The following GPR33 variants were observed in gnomAD, a reference collection of about 807,000 sequenced individuals.
GPR33 encodes probable G protein-coupled receptor 33.
A neutral mutation model predicts 3.1 loss-of-function variants in GPR33; 4 were observed. The ratio of observed to expected loss-of-function variants is 1.29; its 90% CI spans 0.64 to 2.96. The LOEUF (loss-of-function observed/expected upper bound fraction) is 2.96. Ranked by LOEUF, GPR33 falls within the 30% of genes most tolerant of loss-of-function variation. The pLI is 0.01. For missense variants in GPR33, 390 were observed against 388.9 expected, an observed-to-expected ratio of 1.00 and a Z score of -0.02; for synonymous variants, 138 against 142.0, an observed-to-expected ratio of 0.97 and a Z score of 0.20.
At chr14:31,484,051 T>G in intron 1 of GPR33, 80 bp from the exon 2 acceptor site, 1 of 1,124,378 alleles carries the variant, frequency 8.9e-7, no homozygotes, top group Non-Finnish European at 1.2e-6. Flanking sequence ...AAGAGTAATT[T>G]TTTACATAGT....
In GPR33 at chr14:31,483,271, A is replaced by G. The variant is rs1282124171; in HGVS notation, c.695T>C (p.Val232Ala). ...GGATTTAAACAGGCTCCTCTCTTTC[A>G]CCTTGCTGGCTACTCTTTCATAACA... ...IFCYERVASK[V>A]KERSLFKSSK... The change falls in exon 2 of 2, where the codon GTG becomes GCG. Residue 232 changes from valine to alanine, a missense_variant. Coordinates refer to ENST00000399285, the MANE Select transcript of GPR33 (RefSeq NM_001197184.3). The G allele has an allele frequency of 6.5e-6, 10 of 1,536,154 alleles. No homozygotes were observed. The South Asian group carries it at 1.1e-4, about 16-fold the overall frequency.
Position 31,482,905 on chromosome 14 carries a change from A to T in GPR33, c.*59T>A. On this transcript the variant is annotated 3_prime_UTR_variant, in exon 2 of 2. Transcript: ENST00000399285. ...AAAGCAGAAGGTATATCCTATTGGTATAATTGACCAAGTGCGTGTTTGCTT... is the reference window on the plus strand; with the variant it reads ...AAAGCAGAAGGTATATCCTATTGGTTTAATTGACCAAGTGCGTGTTTGCTT... 7.4e-7 allele frequency: 1 copy of T among 1,355,092 alleles called. No individual in the cohort carries two copies. Among genetic ancestry groups the T allele is most frequent in the Admixed American group, 2.6e-5 (1 of 37,744 alleles). 83.9% of individuals were successfully genotyped at this position (1,355,092 alleles called of 1,614,324 possible). A position where few individuals can be genotyped will look rare whatever the true frequency, so the allele number is the denominator to read the frequency against.
rs1235340827 is a variant in GPR33, at chr14:31,483,773, G to C, written c.193C>G (p.Leu65Val). ...GAGAGAATGAGATGAAAAAATAAGA[G>C]AGTATTGACAGTCTGTTTCATCTTG... The part of the protein sequence containing the change: ...RFKMKQTVNT[L>V]LFFHLILSYF... Residue 65 changes from leucine (L) to valine (V), a missense_variant, in exon 2 of 2, where the codon CTC (leucine) becomes GTC (valine). By Grantham distance (32) the Leu-to-Val change is conservative (BLOSUM62 1). Transcript: ENST00000399285. 5 of 1,535,986 alleles carry C rather than the reference G, an allele frequency of 3.3e-6. No homozygotes were observed. Among genetic ancestry groups the C allele is most frequent in the Non-Finnish European group, 3.5e-6 (4 of 1,146,878 alleles).
chr14:31,484,138 T>C (rs1243082837), intron 1 of GPR33, 167 bp from the exon 2 acceptor site: 2 of 174,970 alleles, frequency 1.1e-5, no homozygotes, highest in African/African-American at 4.8e-5. Context: ...TTTTCTAAGG[T>C]CTATACTTTT....
chr14:31,483,600 G>T lies in GPR33; in HGVS notation c.366C>A (p.Ile122=), dbSNP rs566493971. 1.3e-6 allele frequency: 2 copies of T among 1,536,122 alleles called. No homozygotes were observed. The highest frequency in any genetic ancestry group is 1.2e-5 in the South Asian group (1 of 84,058). ...GAGTGAGAAGGTAACGATCAAGACC[G>T]ATGGCCGAAAGGAAGAAAACAGAGG... ...MFTSVFFLSA[I]GLDRYLLTLH... is the part of the protein sequence containing the mutation. The change falls in exon 2 of 2, where the codon ATC becomes ATA. Residue 122 remains isoleucine (I), a synonymous_variant. Coordinates refer to ENST00000399285, the MANE Select transcript of GPR33 (RefSeq NM_001197184.3).
At chr14:31,484,715 A>G (rs1459811922) in intron 1 of GPR33, among the ~76,000 whole-genome samples, 2 of 152,176 alleles carry the variant, frequency 1.3e-5, no homozygotes, top group South Asian at 2.1e-4. Flanking sequence ...ATGAATTTGA[A>G]TAACAAAAAT....
Position 31,483,706 on chromosome 14 carries a change from G to C in GPR33, c.260C>G (p.Ser87Cys), listed in dbSNP as rs755413421. The C allele has an allele frequency of 1.4e-5, 21 of 1,535,998 alleles. No individual in the cohort carries two copies. Among genetic ancestry groups the C allele is most frequent in the Middle Eastern group, 1.7e-4 (1 of 6,012 alleles). Residue 87 changes from serine to cysteine, a missense_variant, in exon 2 of 2, where the codon TCC becomes TGC. Transcript: ENST00000399285. ...GTTCCAGTGATTGTCTTGAAGTTGGGAGGTGGCCATAAATGGCAGAATCAT... is the reference window on the plus strand; with the variant it reads ...GTTCCAGTGATTGTCTTGAAGTTGGCAGGTGGCCATAAATGGCAGAATCAT... ...STMILPFMAT[S>C]QLQDNHWNFG...
chr14:31,483,204 G>A lies in GPR33; in HGVS notation c.762C>T (p.Phe254=), dbSNP rs1566803743. ...TATGGTAGGGCATCCAACACACAAA[G>A]AAAGAGATAATGGCAGTCATCATAA... ...FKVMMTAIIS[F]FVCWMPYHIH... is the part of the protein sequence containing the mutation. The change falls in exon 2 of 2, where the codon TTC becomes TTT. Residue 254 remains phenylalanine (F), a synonymous_variant. Transcript: ENST00000399285. 6.5e-7 allele frequency: 1 copy of A among 1,536,136 alleles called. No individual in the cohort carries two copies. The highest frequency in any genetic ancestry group is 2.0e-5 in the Admixed American group (1 of 51,004).
chr14:31,483,394 C>A lies in GPR33; in HGVS notation c.572G>T (p.Ser191Ile), dbSNP rs1184347647. ...NNYAVSTNWE[S>I]KEMQASRQWI... ...CTGCCTTGATGCTTGCATCTCCTTG[C>A]TTTCCCAGTTAGTAGACACAGCATA... The change falls in exon 2 of 2, where the codon AGC becomes ATC. Residue 191 changes from serine to isoleucine, a missense_variant. Transcript: ENST00000399285. The A allele has an allele frequency of 6.5e-7, 1 of 1,536,176 alleles. No homozygotes were observed. Among genetic ancestry groups the A allele is most frequent in the Admixed American group, 2.0e-5 (1 of 51,008 alleles).
Position 31,483,134 on chromosome 14 carries a change from C to G in GPR33, c.832G>C (p.Glu278Gln). 1.0e-5 allele frequency: 16 copies of G among 1,536,068 alleles called. No individual in the cohort carries two copies. In the Middle Eastern group the frequency reaches 5.0e-4, roughly 48 times the overall value. Residue 278 changes from glutamate to glutamine, a missense_variant, in exon 2 of 2, where the codon GAG becomes CAG. Glu to Gln is a conservative substitution (Grantham distance 29, BLOSUM62 2). Transcript: ENST00000399285. ...LLTTNQSLLL[E>Q]LTLILTVLTT... ...AGCACTGTAAGTATCAAAGTCAACT[C>G]TAAAAGTAGTGACTGGTTCGTAGTG...
In GPR33 at chr14:31,483,393, G is replaced by A; in HGVS notation, c.573C>T (p.Ser191=). Reference sequence around the variant, plus strand: ...ACTGCCTTGATGCTTGCATCTCCTTGCTTTCCCAGTTAGTAGACACAGCAT... The same window carrying A: ...ACTGCCTTGATGCTTGCATCTCCTTACTTTCCCAGTTAGTAGACACAGCAT... ...NNYAVSTNWE[S]KEMQASRQWI... is the part of the protein sequence containing the mutation. The change falls in exon 2 of 2, where the codon AGC becomes AGT. Residue 191 remains serine (S), a synonymous_variant. Coordinates refer to ENST00000399285, the MANE Select transcript of GPR33 (RefSeq NM_001197184.3). 1 of 1,536,160 alleles carries A rather than the reference G, an allele frequency of 6.5e-7. No homozygotes were observed. The highest frequency in any genetic ancestry group is 1.4e-5 in the African/African-American group (1 of 73,178).
In GPR33 at chr14:31,483,450, G is replaced by A. The variant is rs1332879001; in HGVS notation, c.516C>T (p.Asp172=). The A allele has an allele frequency of 2.0e-6, 3 of 1,536,136 alleles. No homozygotes were observed. In the South Asian group the frequency reaches 3.6e-5, roughly 18 times the overall value. Residue 172 remains aspartate, a synonymous_variant, in exon 2 of 2, where the codon GAC becomes GAT. Transcript: ENST00000399285. ...TTTGGCAAGTCACCTTTCCTTTACG[G>A]TCATGATGTGTCTCTCTGAAAATCA... The part of the protein sequence containing the change: ...PYLIFRETHH[D]RKGKVTCQNN...
Position 31,482,900 on chromosome 14 carries a change from T to C in GPR33, c.*64A>G. 7.6e-7 allele frequency: 1 copy of C among 1,310,028 alleles called. No homozygotes were observed. Among genetic ancestry groups the C allele is most frequent in the Non-Finnish European group, 1.0e-6 (1 of 980,984 alleles). 81.2% of individuals were successfully genotyped at this position (1,310,028 alleles called of 1,614,324 possible). A position where few individuals can be genotyped will look rare whatever the true frequency, so the allele number is the denominator to read the frequency against. ...ATACAAAAGCAGAAGGTATATCCTA[T>C]TGGTATAATTGACCAAGTGCGTGTT... is the stretch of plus-strand genomic sequence containing the variant. On this transcript the variant is annotated 3_prime_UTR_variant, in exon 2 of 2. Coordinates refer to ENST00000399285, the MANE Select transcript of GPR33 (RefSeq NM_001197184.3).
rs527300079 is a variant in GPR33 at position 31,483,471 on chromosome 14, A to G, written c.495T>C (p.Ile165=). 7.2e-6 allele frequency: 11 copies of G among 1,536,126 alleles called. No homozygotes were observed. In the South Asian group the frequency reaches 9.5e-5, roughly 13 times the overall value. Residue 165 remains isoleucine, a synonymous_variant, in exon 2 of 2, where the codon ATT becomes ATC. Coordinates refer to ENST00000399285, the MANE Select transcript of GPR33 (RefSeq NM_001197184.3). The part of the protein sequence containing the change: ...SAAALSIPYL[I]FRETHHDRKG... ...TACGGTCATGATGTGTCTCTCTGAA[A>G]ATCAAATAGGGGATGCTGAGGGCAG...
At chr14:31,487,464 G>T in intron 1 of GPR33, among the ~76,000 whole-genome samples, 1 of 98,518 alleles carries the variant, frequency 1.0e-5, no homozygotes. Context: ...TTTTCAGATG[G>T]AGTCTTGCTC....
intron 1 of GPR33, among the ~76,000 whole-genome samples, chr14:31,485,501 G>A (rs1033177835): frequency 2.6e-5 from 4 of 151,650 alleles, no homozygotes. Context: ...GGGTGTGGTG[G>A]TGTGTGCTTG....
chr14:31,484,017 G>GAA (rs2032392413), intron 1 of GPR33, 46 bp from the exon 2 acceptor site: 2 of 1,400,708 alleles, frequency 1.4e-6, no homozygotes, highest in Non-Finnish European at 1.9e-6. Flanking sequence ...AAAAGCAAAA[G>GAA]AAAAGGTTAA....
rs1301936231 is a variant in GPR33 at position 31,483,025 on chromosome 14, A to G, written c.941T>C (p.Ile314Thr). The G allele has an allele frequency of 5.9e-6, 9 of 1,535,978 alleles. No individual in the cohort carries two copies. Among genetic ancestry groups the G allele is most frequent in the Non-Finnish European group, 7.8e-6 (9 of 1,146,842 alleles). Reference protein sequence around the residue: ...ENFKKVFKKSILALFESTFSE... With the variant: ...ENFKKVFKKSTLALFESTFSE... ...AAATGTTGACTCAAACAGAGCAAGA[A>G]TGGACTTCTTGAAGACCTTTTTGAA... Residue 314 changes from isoleucine to threonine, a missense_variant, in exon 2 of 2, where the codon ATT becomes ACT. By Grantham distance (89) the Ile-to-Thr change is moderately conservative. Transcript: ENST00000399285.
In GPR33 at chr14:31,483,335, A is replaced by G; in HGVS notation, c.631T>C (p.Leu211=). ...IHVACFISRF[L]LGFLLPFFII... is the part of the protein sequence containing the mutation. ...AAGAAAGGCAGAAGAAAGCCCAGCA[A>G]GAAGCGGCTGATGAAACAGGCCACA... is the stretch of plus-strand genomic sequence containing the variant. Residue 211 remains leucine (L), a synonymous_variant, in exon 2 of 2, where the codon TTG becomes CTG. Coordinates refer to ENST00000399285, the MANE Select transcript of GPR33 (RefSeq NM_001197184.3). 6.5e-7 allele frequency: 1 copy of G among 1,536,190 alleles called. No homozygotes were observed. Among genetic ancestry groups the G allele is most frequent in the Non-Finnish European group, 8.7e-7 (1 of 1,146,920 alleles).
Sources: allele counts gnomAD v4.1 joint callset (sites outside exome capture counted in the v4.1 genomes callset), GRCh38; gene constraint gnomAD v4.1.1; transcripts MANE v1.5; gene names NCBI Gene and HGNC (gene_info 2026-07-23, HGNC 2026-07-21).